ME3: variants seen among roughly 807,000 people sequenced by gnomAD.
ME3 encodes malic enzyme 3, also known as NADP-dependent malic enzyme, mitochondrial.
Under a neutral mutation model 68.9 loss-of-function variants are expected in ME3, and 48 were observed. That is an observed-to-expected ratio of 0.70 (90% CI 0.55 to 0.89). The LOEUF is 0.89. Among genes scored for constraint, ME3 ranks in the 40% least tolerant of loss-of-function variants. The probability of loss-of-function intolerance (pLI) is 0.00; values close to 1 mark genes in which losing one functional copy is unlikely to be tolerated. For missense variants in ME3, 675 were observed against 797.4 expected, an observed-to-expected ratio of 0.85 and a Z score of 1.85; for synonymous variants, 320 against 318.8, an observed-to-expected ratio of 1.00 and a Z score of -0.04.
intron 2 of ME3, among the ~76,000 whole-genome samples, chr11:86,571,709 C>T (rs1242597041): frequency 2.0e-5 from 3 of 152,376 alleles, no homozygotes; most frequent in East Asian, 1.9e-4. Flanking sequence ...ACTTTGGGTC[C>T]GGCTCTGGCC....
At chr11:86,545,125 C>A (rs1956287024) in intron 4 of ME3, among the ~76,000 whole-genome samples, 1 of 152,058 alleles carries the variant, frequency 6.6e-6, no homozygotes, top group Non-Finnish European at 1.5e-5. Context: ...ATTCAACACC[C>A]TTCATGCTAA....
intron 4 of ME3, among the ~76,000 whole-genome samples, chr11:86,515,485 T>C (rs1252229024): frequency 6.6e-6 from 1 of 152,244 alleles, no homozygotes; most frequent in Non-Finnish European, 1.5e-5. Flanking sequence ...CACCTCTCTG[T>C]GCCTTAGTTT....
At chr11:86,659,658 C>T (rs146360549) in intron 2 of ME3, among the ~76,000 whole-genome samples, 1 of 152,150 alleles carries the variant, frequency 6.6e-6, no homozygotes, top group Admixed American at 6.5e-5. Flanking sequence ...CTTCCTGCCC[C>T]GTCTAACTGC....
At chr11:86,440,296 C>T (rs1310712506), downstream of ME3, among the ~76,000 whole-genome samples, 2 of 152,158 alleles carry the variant, frequency 1.3e-5, no homozygotes, top group Non-Finnish European at 2.9e-5. Context: ...CTCTCCTGCC[C>T]CCACCCCTAT....
intron 4 of ME3, among the ~76,000 whole-genome samples, chr11:86,546,430 A>G (rs1193661703): frequency 3.3e-5 from 5 of 152,234 alleles, no homozygotes; most frequent in African/African-American, 1.2e-4. Context: ...CAAAGGGCTA[A>G]TATCCAAAAA....
rs971202208 is a variant in ME3 at position 86,596,094 on chromosome 11, C to T, written c.184-36271G>A. Among the ~76,000 whole-genome samples the T allele has an allele frequency of 2.6e-5, 4 of 152,352 alleles. No individual in the cohort carries two copies. The East Asian group carries it at 5.8e-4, about 22-fold the overall frequency. On this transcript the variant is annotated intron_variant, in intron 2 of 14. Coordinates refer to ENST00000543262, the Ensembl canonical transcript of ME3. ...TATATTTTTCCCTTGACAACTCACA[C>T]TGTACTTCAGACTGCTTTGATAGTT...
chr11:86,515,833 A>C (rs150066005), intron 4 of ME3, among the ~76,000 whole-genome samples: 11 of 152,184 alleles, frequency 7.2e-5, no homozygotes, highest in African/African-American at 2.7e-4. Context: ...TGACATGTTT[A>C]AAGTGGTATT....
chr11:86,458,773 G>A (rs1258864300), intron 8 of ME3, among the ~76,000 whole-genome samples: 2 of 152,072 alleles, frequency 1.3e-5, no homozygotes, highest in Admixed American at 6.5e-5. Context: ...GTTGACCCCC[G>A]ACAGCTGGAA....
chr11:86,501,041 C>G (rs1952688953), intron 5 of ME3, among the ~76,000 whole-genome samples: 1 of 152,130 alleles, frequency 6.6e-6, no homozygotes, highest in East Asian at 1.9e-4. Flanking sequence ...TCTCACAAAA[C>G]AGCCTTTGTG....
intron 4 of ME3, among the ~76,000 whole-genome samples, chr11:86,520,658 G>A (rs1182995166): frequency 1.3e-5 from 2 of 152,178 alleles, no homozygotes; most frequent in Non-Finnish European, 2.9e-5. Context: ...TTTTCCTCCA[G>A]TAGACTTGAA....
chr11:86,470,305 G>GA (rs1028769196), intron 7 of ME3, among the ~76,000 whole-genome samples: 2 of 151,550 alleles, frequency 1.3e-5, no homozygotes, highest in African/African-American at 2.4e-5. Flanking sequence ...CCTCCCCCCA[G>GA]AAAAAAACCC....
At chr11:86,544,817 C>T (rs548159251) in intron 4 of ME3, among the ~76,000 whole-genome samples, 2 of 152,156 alleles carry the variant, frequency 1.3e-5, no homozygotes, top group African/African-American at 2.4e-5. Flanking sequence ...ATGAGGCCAG[C>T]GTCATCCTGA....
At position 86,526,703 on chromosome 11, in the gene ME3, G is replaced by A. The variant is rs572530233; in HGVS notation, c.468-17836C>T. On this transcript the variant is annotated intron_variant, in intron 4 of 14. Transcript: ENST00000543262. ...GAACGATCAGGCAGCAACATTTGCT[G>A]TTCACCAATATCTGCTGTTCTGCAG... Among the ~76,000 whole-genome samples the A allele has an allele frequency of 3.9e-5, 6 of 152,318 alleles. No individual in the cohort carries two copies. In the South Asian group the frequency reaches 1.2e-3, roughly 32 times the overall value.
intron 4 of ME3, among the ~76,000 whole-genome samples, chr11:86,535,326 C>T (rs1236180849): frequency 6.6e-6 from 1 of 152,172 alleles, no homozygotes; most frequent in Non-Finnish European, 1.5e-5. Flanking sequence ...CACTTGGCTG[C>T]ACGTGGGAAG....
At chr11:86,454,435 C>T (rs1949806317) in intron 8 of ME3, among the ~76,000 whole-genome samples, 1 of 152,122 alleles carries the variant, frequency 6.6e-6, no homozygotes. Flanking sequence ...GTAAAGTAGC[C>T]AGTGTAGACA....
At chr11:86,611,078 A>G in intron 2 of ME3, among the ~76,000 whole-genome samples, 1 of 152,170 alleles carries the variant, frequency 6.6e-6, no homozygotes, top group African/African-American at 2.4e-5. Context: ...GAGTGAGAGA[A>G]ATCTTGCCAT....
At chr11:86,607,250 T>A (rs1482623171) in intron 2 of ME3, among the ~76,000 whole-genome samples, 5 of 152,134 alleles carry the variant, frequency 3.3e-5, no homozygotes, top group Non-Finnish European at 7.3e-5. Context: ...TACTTCTTAT[T>A]TGGGATATCC....
intron 2 of ME3, among the ~76,000 whole-genome samples, chr11:86,662,503 G>A (rs1185350491): frequency 1.3e-5 from 2 of 152,032 alleles, no homozygotes; most frequent in Non-Finnish European, 2.9e-5. Flanking sequence ...TGGCTGAGGT[G>A]GGAGGATCAC....
At chr11:86,607,805 G>C (rs2135171512) in intron 2 of ME3, among the ~76,000 whole-genome samples, 1 of 152,052 alleles carries the variant, frequency 6.6e-6, no homozygotes, top group South Asian at 2.1e-4. Flanking sequence ...GTCGGACTCT[G>C]GAGCCATGCA....
Sources: gnomAD v4.1 joint callset for allele counts (sites outside exome capture counted in the v4.1 genomes callset) on GRCh38, gnomAD v4.1.1 for gene constraint, MANE v1.5 for transcripts, NCBI Gene and HGNC (gene_info 2026-07-23, HGNC 2026-07-21) for gene names.